OSBPL9: variants seen among roughly 807,000 people sequenced by gnomAD.
The protein encoded by OSBPL9 is oxysterol binding protein like 9.
A neutral mutation model predicts 106.6 loss-of-function variants in OSBPL9; 40 were observed. The ratio of observed to expected loss-of-function variants is 0.38; its 90% CI spans 0.29 to 0.49. The LOEUF is 0.49. OSBPL9 is among the 20% of genes least tolerant of loss of function. The pLI is 0.97. For synonymous variants in OSBPL9, 269 were observed against 295.4 expected (o/e 0.91, Z 0.92); for missense variants, 609 against 887.2 (o/e 0.69, Z 3.98).
At chr1:51,760,177 T>G (rs1024636220) in intron 9 of OSBPL9, 2 of 154,506 alleles carry the variant, frequency 1.3e-5, no homozygotes, top group Non-Finnish European at 2.9e-5. Flanking sequence ...CTTGAGTGTC[T>G]GTGGATTTTG....
chr1:51,538,932 G>A, the OSBPL9 span, among the ~76,000 whole-genome samples: 3 of 151,856 alleles, frequency 2.0e-5, no homozygotes, highest in Non-Finnish European at 4.4e-5. Context: ...CTCTCTCTTC[G>A]CAGGTCTGTC....
chr1:51,716,587 TCTGCCAGTGC>T (rs1286297582), intron 4 of OSBPL9, among the ~76,000 whole-genome samples: 1 of 152,236 alleles, frequency 6.6e-6, no homozygotes, highest in Non-Finnish European at 1.5e-5. Flanking sequence ...TACCATTCCC[TCTGCCAGTGC>T]CTGGTATTCA....
chr1:51,756,489 G>A, intron 9 of OSBPL9, 131 bp downstream of exon 9: 1 of 822,122 alleles, frequency 1.2e-6, no homozygotes, highest in Non-Finnish European at 1.9e-6. Context: ...GTTGACTCTT[G>A]CAGTTTCCTT....
At chr1:51,552,217 T>C in the OSBPL9 span, among the ~76,000 whole-genome samples, 1 of 152,144 alleles carries the variant, frequency 6.6e-6, no homozygotes, top group Non-Finnish European at 1.5e-5. Context: ...AAACTGAAAG[T>C]AAGCCCCATG....
intron 3 of OSBPL9, among the ~76,000 whole-genome samples, chr1:51,695,363 A>G (rs1309173762): frequency 6.6e-6 from 1 of 152,196 alleles, no homozygotes; most frequent in Non-Finnish European, 1.5e-5. Flanking sequence ...AACGCAGATT[A>G]TGTTTCAGTA....
chr1:51,638,549 T>C (rs1299810858), intron 1 of OSBPL9, among the ~76,000 whole-genome samples: 2 of 151,582 alleles, frequency 1.3e-5, no homozygotes, highest in African/African-American at 4.9e-5. Flanking sequence ...ATAGTGAGAC[T>C]CTACCTGTAT....
chr1:51,789,186 AAC>A lies in OSBPL9; in HGVS notation c.*1401_*1402del. ...TAACTAACTCCATAAAATACAAACA[AAC>A]ACATTTTAAAATACACATTGCTTCA... On this transcript the variant is annotated 3_prime_UTR_variant, in exon 24 of 24. Coordinates refer to ENST00000428468, the MANE Select transcript of OSBPL9 (RefSeq NM_024586.6). The A allele has an allele frequency of 6.5e-7, 1 of 1,547,050 alleles. No individual in the cohort carries two copies. Among genetic ancestry groups the A allele is most frequent in the Non-Finnish European group, 8.9e-7 (1 of 1,119,772 alleles).
rs146727433 is a variant in OSBPL9, at chr1:51,776,204, C to A, written c.1171-629C>A. On this transcript the variant is annotated intron_variant, in intron 14 of 23. Transcript: ENST00000428468. ...TAATTGCTCATTTAAAAGTTTCTTACTGTGTAAATAGTAGTGAGAGCGCGA... is the reference window on the plus strand; with the variant it reads ...TAATTGCTCATTTAAAAGTTTCTTAATGTGTAAATAGTAGTGAGAGCGCGA... Among the ~76,000 whole-genome samples the A allele has an allele frequency of 3.3e-5, 5 of 152,102 alleles. No individual in the cohort carries two copies. In the East Asian group the frequency reaches 9.6e-4, roughly 29 times the overall value.
intron 3 of OSBPL9, among the ~76,000 whole-genome samples, chr1:51,678,092 T>TG (rs1006977177): frequency 3.3e-5 from 5 of 151,756 alleles, no homozygotes; most frequent in African/African-American, 4.8e-5. Flanking sequence ...CTGAGGCAGA[T>TG]GAGTCCCTTG....
intron 1 of OSBPL9, among the ~76,000 whole-genome samples, chr1:51,644,726 C>T (rs1191989117): frequency 6.6e-6 from 1 of 152,134 alleles, no homozygotes; most frequent in Non-Finnish European, 1.5e-5. Flanking sequence ...AATGGGAGAG[C>T]AAGTCTACTG....
intron 3 of OSBPL9, among the ~76,000 whole-genome samples, chr1:51,702,043 A>G (rs1657397245): frequency 6.6e-6 from 1 of 152,008 alleles, no homozygotes; most frequent in African/African-American, 2.4e-5. Flanking sequence ...AATCCAGTCT[A>G]TCGTTGTTGG....
At chr1:51,648,564 C>G (rs1646312067) in intron 1 of OSBPL9, among the ~76,000 whole-genome samples, 1 of 152,194 alleles carries the variant, frequency 6.6e-6, no homozygotes, top group South Asian at 2.1e-4. Context: ...GTCACACCAG[C>G]TTCCCTATAG....
upstream of OSBPL9, among the ~76,000 whole-genome samples, chr1:51,573,508 CA>C (rs961323006): frequency 0.073 from 1,821 of 25,052 alleles, 5 homozygotes; most frequent in Non-Finnish European, 0.11. Context: ...AACTCCATCT[CA>C]AAAAAAAAAA....
intron 3 of OSBPL9, among the ~76,000 whole-genome samples, chr1:51,687,983 G>A (rs565028464): frequency 6.6e-6 from 1 of 152,266 alleles, no homozygotes; most frequent in African/African-American, 2.4e-5. Flanking sequence ...AGTAACGGTG[G>A]TTGCTTTTAC....
chr1:51,781,623 A>C (rs550803576), intron 16 of OSBPL9: 1 of 262,812 alleles, frequency 3.8e-6, no homozygotes, highest in Non-Finnish European at 7.4e-6. Flanking sequence ...CAATAGAATG[A>C]TTTTGTGAAA....
intron 2 of OSBPL9, among the ~76,000 whole-genome samples, chr1:51,667,506 T>C (rs116492128): frequency 8.2e-4 from 125 of 152,328 alleles, no homozygotes; most frequent in African/African-American, 3.0e-3. Flanking sequence ...CTTAGCATAC[T>C]GTTTTCAAGG....
At chr1:51,552,513 A>G in the OSBPL9 span, among the ~76,000 whole-genome samples, 1 of 152,222 alleles carries the variant, frequency 6.6e-6, no homozygotes, top group Admixed American at 6.5e-5. Flanking sequence ...CAAACTCTTA[A>G]CCAATATGAA....
intron 2 of OSBPL9, 29 bp downstream of exon 2, chr1:51,652,070 C>T: frequency 5.9e-6 from 9 of 1,518,540 alleles, no homozygotes; most frequent in Non-Finnish European, 8.1e-6. Flanking sequence ...TTATGAAAAT[C>T]AATTTTGACA....
rs1677016437 is a variant in OSBPL9, at chr1:51,784,040, A to AGGG, written c.1624+15_1624+16insGGG. ...CATAGGGCAGGGTAAGTGTGTTGGC[A>AGGG]TTGGGTGGACTACAATGTTATAGGA... On this transcript the variant is annotated intron_variant, in intron 18 of 23. Coordinates refer to ENST00000428468, the MANE Select transcript of OSBPL9 (RefSeq NM_024586.6). The AGGG allele has an allele frequency of 6.3e-7, 1 of 1,582,122 alleles. No individual in the cohort carries two copies. Among genetic ancestry groups the AGGG allele is most frequent in the Non-Finnish European group, 8.7e-7 (1 of 1,151,790 alleles).
Sources: gnomAD v4.1 joint callset for allele counts (sites outside exome capture counted in the v4.1 genomes callset) on GRCh38, gnomAD v4.1.1 for gene constraint, MANE v1.5 for transcripts, NCBI Gene and HGNC (gene_info 2026-07-23, HGNC 2026-07-21) for gene names.